The following MSRA variants were observed in gnomAD, a reference collection of about 807,000 sequenced individuals.
MSRA encodes mitochondrial peptide methionine sulfoxide reductase.
A neutral mutation model predicts 31.3 loss-of-function variants in MSRA; 54 were observed. The observed-to-expected ratio is 1.73, with a 90% CI of 1.39 to 2.17. MSRA has a LOEUF of 2.17. Ranked by LOEUF, MSRA falls within the 30% of genes most tolerant of loss-of-function variation. The pLI, the probability that MSRA is intolerant of heterozygous loss-of-function variation, is 0.00. For synonymous variants in MSRA, 169 were observed against 116.5 expected, an observed-to-expected ratio of 1.45 and a Z score of -2.90; for missense variants, 507 against 300.9, an observed-to-expected ratio of 1.69 and a Z score of -5.07.
intron 5 of MSRA, among the ~76,000 whole-genome samples, chr8:10,424,967 C>G (rs1212177803): frequency 1.3e-5 from 2 of 152,360 alleles, no homozygotes; most frequent in East Asian, 3.9e-4. Flanking sequence ...TGAATCTGAA[C>G]AGTGGCGGAG....
intron 5 of MSRA, among the ~76,000 whole-genome samples, chr8:10,353,429 G>C (rs1427772154): frequency 1.3e-5 from 2 of 152,208 alleles, no homozygotes; most frequent in Non-Finnish European, 2.9e-5. Flanking sequence ...GGGTCTGGGA[G>C]TCTCCTTGGA....
At chr8:10,095,817 G>A (rs1298269914) in intron 1 of MSRA, 3 of 1,239,586 alleles carry the variant, frequency 2.4e-6, no homozygotes, top group East Asian at 6.4e-5. Flanking sequence ...GGAAATAAAA[G>A]CCTTTTTCAA....
At chr8:10,360,249 G>T (rs1328665552) in intron 5 of MSRA, among the ~76,000 whole-genome samples, 1 of 152,132 alleles carries the variant, frequency 6.6e-6, no homozygotes, top group East Asian at 1.9e-4. Flanking sequence ...TTGGTGTTTT[G>T]TGCCCAGGTC....
chr8:10,089,856 A>G (rs926160279), intron 1 of MSRA, among the ~76,000 whole-genome samples: 2 of 152,324 alleles, frequency 1.3e-5, no homozygotes, highest in South Asian at 2.1e-4. Context: ...GTCCCGTTTC[A>G]TGAGAGTGAG....
At chr8:10,120,725 G>A (rs1489286253) in intron 1 of MSRA, among the ~76,000 whole-genome samples, 1 of 152,204 alleles carries the variant, frequency 6.6e-6, no homozygotes, top group Non-Finnish European at 1.5e-5. Context: ...TGAATCTAAT[G>A]GAAGCTCTTA....
chr8:10,197,566 C>G lies in MSRA; in HGVS notation c.143-10267C>G, dbSNP rs1165875576. On this transcript the variant is annotated intron_variant, in intron 1 of 5. Transcript: ENST00000317173. ...CCGTCTGTATCACCACCAGTAAGCA[C>G]TGTGCAAATACCAGTGTTCAGGAGC... 1.6e-4 allele frequency among the ~76,000 whole-genome samples: 25 copies of G among 152,118 alleles called. 1 individual carries two copies. Among genetic ancestry groups the G allele is most frequent in the Admixed American group, 1.6e-3 (25 of 15,264 alleles).
chr8:10,185,841 A>T (rs1806997420), intron 1 of MSRA, among the ~76,000 whole-genome samples: 1 of 152,140 alleles, frequency 6.6e-6, no homozygotes, highest in South Asian at 2.1e-4. Context: ...TTTCGTGTGA[A>T]TCACCCCTTA....
rs116249325 is a variant in MSRA, at chr8:10,268,762, A to T, written c.331+23539A>T. Among the ~76,000 whole-genome samples the T allele has an allele frequency of 5.4e-3, 821 of 152,302 alleles. 10 individuals are homozygous for T. The highest frequency in any genetic ancestry group is 0.019 in the African/African-American group (794 of 41,562). Reference sequence around the variant, plus strand: ...TTCTTTTGAGCAGGGCTACAGTCTGATTTTCTTAATAGAACACATTACACC... The same window carrying T: ...TTCTTTTGAGCAGGGCTACAGTCTGTTTTTCTTAATAGAACACATTACACC... On this transcript the variant is annotated intron_variant, in intron 3 of 5. Transcript: ENST00000317173.
intron 3 of MSRA, chr8:10,250,987 G>T (rs149111150): frequency 6.6e-6 from 1 of 152,486 alleles, no homozygotes; most frequent in Non-Finnish European, 1.5e-5. Flanking sequence ...GAACATGATG[G>T]ATCATGAAGC....
chr8:10,282,051 C>G (rs539857560), intron 3 of MSRA, among the ~76,000 whole-genome samples: 6 of 152,154 alleles, frequency 3.9e-5, no homozygotes, highest in South Asian at 2.1e-4. Context: ...ACTCTCCCCC[C>G]ACGTACAATA....
At chr8:10,335,576 C>T (rs908562882) in intron 5 of MSRA, among the ~76,000 whole-genome samples, 1 of 152,186 alleles carries the variant, frequency 6.6e-6, no homozygotes, top group South Asian at 2.1e-4. Flanking sequence ...GACCCCGGCG[C>T]CTGATCTTGT....
chr8:10,324,981 A>C (rs1339661223), intron 5 of MSRA, among the ~76,000 whole-genome samples: 2 of 152,352 alleles, frequency 1.3e-5, no homozygotes, highest in South Asian at 4.1e-4. Context: ...CGTTGAGTGT[A>C]AGATTGGGCA....
chr8:10,111,772 T>C (rs915969910), intron 1 of MSRA, among the ~76,000 whole-genome samples: 1 of 152,226 alleles, frequency 6.6e-6, no homozygotes, highest in African/African-American at 2.4e-5. Context: ...CTTCTTTTGG[T>C]TCACCTGGGT....
chr8:10,247,516 TTG>T (rs1797685028), intron 3 of MSRA, among the ~76,000 whole-genome samples: 1 of 152,214 alleles, frequency 6.6e-6, no homozygotes, highest in South Asian at 2.1e-4. Context: ...GGAAATTCTT[TTG>T]TCTTTCTTAT....
At chr8:10,220,397 A>T (rs1363140584) in intron 2 of MSRA, among the ~76,000 whole-genome samples, 3 of 152,226 alleles carry the variant, frequency 2.0e-5, no homozygotes, top group Non-Finnish European at 4.4e-5. Context: ...ACATCATGGT[A>T]GACATTACCA....
At chr8:10,326,641 G>A (rs1802377739) in intron 5 of MSRA, 1 of 152,050 alleles carries the variant, frequency 6.6e-6, no homozygotes, top group South Asian at 2.1e-4. Flanking sequence ...TAAAATGGAG[G>A]GGGGTGTTTT....
intron 5 of MSRA, among the ~76,000 whole-genome samples, chr8:10,399,875 C>T (rs922628688): frequency 6.6e-6 from 1 of 151,994 alleles, no homozygotes; most frequent in Admixed American, 6.5e-5. Flanking sequence ...ACCAGCTCTG[C>T]TTTAGATGGA....
chr8:10,361,141 C>A (rs1364311522), intron 5 of MSRA, among the ~76,000 whole-genome samples: 1 of 152,228 alleles, frequency 6.6e-6, no homozygotes, highest in African/African-American at 2.4e-5. Context: ...CCCACTGAAA[C>A]ATTTAATGAG....
At chr8:10,379,969 G>A (rs62490348) in intron 5 of MSRA, among the ~76,000 whole-genome samples, 14,338 of 152,204 alleles carry the variant, frequency 0.094, 838 homozygotes, top group East Asian at 0.26. Context: ...CAGACGATAC[G>A]AGAGGGTGGG....
Sources: allele counts gnomAD v4.1 joint callset (sites outside exome capture counted in the v4.1 genomes callset), GRCh38; gene constraint gnomAD v4.1.1; transcripts MANE v1.5; gene names NCBI Gene and HGNC (gene_info 2026-07-23, HGNC 2026-07-21).